The following ANKS1A variants were observed in gnomAD, a reference collection of about 807,000 sequenced individuals.
ANKS1A encodes the protein ankyrin repeat and SAM domain-containing protein 1A.
ANKS1A carries 55 observed loss-of-function variants against 120.3 expected under a neutral mutation model. That is an observed-to-expected ratio of 0.46 (90% CI 0.37 to 0.57). ANKS1A has a LOEUF of 0.57. Ranked by LOEUF, ANKS1A falls within the 20% of genes least tolerant of loss-of-function variation. The probability of loss-of-function intolerance (pLI) is 0.00; values close to 1 mark genes in which losing one functional copy is unlikely to be tolerated. For missense variants in ANKS1A, 1,123 were observed against 1,480.3 expected (o/e 0.76, Z 3.96); for synonymous variants, 590 against 604.7 (o/e 0.98, Z 0.36).
intron 1 of ANKS1A, among the ~76,000 whole-genome samples, chr6:34,894,035 T>C (rs1766951728): frequency 6.6e-6 from 1 of 152,236 alleles, no homozygotes; most frequent in East Asian, 1.9e-4. Context: ...TGTCTAGGCT[T>C]ACAGAGGCTC....
intron 1 of ANKS1A, among the ~76,000 whole-genome samples, chr6:34,915,624 G>A (rs1194978706): frequency 6.6e-6 from 1 of 152,150 alleles, no homozygotes. Context: ...AGGGATTACA[G>A]GCATGCTGTA....
At chr6:35,043,072 CA>C (rs1397628675) in intron 11 of ANKS1A, among the ~76,000 whole-genome samples, 1 of 152,154 alleles carries the variant, frequency 6.6e-6, no homozygotes, top group Non-Finnish European at 1.5e-5. Context: ...TACAGTCTGT[CA>C]GGGTAGGTAG....
intron 13 of ANKS1A, among the ~76,000 whole-genome samples, chr6:35,065,665 G>A (rs1776737006): frequency 6.6e-6 from 1 of 152,236 alleles, no homozygotes; most frequent in East Asian, 1.9e-4. Flanking sequence ...CAGCCCCTGG[G>A]GCTCATGCTC....
In ANKS1A at chr6:35,050,781, C is replaced by T. The variant is rs949493151; in HGVS notation, c.2011-3318C>T. Among the ~76,000 whole-genome samples, 26 of 152,190 alleles carry T rather than the reference C, an allele frequency of 1.7e-4. No homozygotes were observed. Among genetic ancestry groups the T allele is most frequent in the African/African-American group, 6.0e-4 (25 of 41,448 alleles). On this transcript the variant is annotated intron_variant, in intron 11 of 23. Coordinates refer to ENST00000360359, the MANE Select transcript of ANKS1A (RefSeq NM_015245.3). The surrounding 1 kb of genome is among the most constrained non-coding windows in gnomAD (Gnocchi z 4.3). ...GGGGACCTGCCAATCTCTGCCCAAACAGGACCTCTTCGCTGCCATGTCCCT... is the reference window on the plus strand; with the variant it reads ...GGGGACCTGCCAATCTCTGCCCAAATAGGACCTCTTCGCTGCCATGTCCCT...
rs1778261567 is a variant in ANKS1A at position 35,090,829 on chromosome 6, G to C, written c.*2220G>C. 1.0e-6 allele frequency: 1 copy of C among 985,902 alleles called. No homozygotes were observed. Among genetic ancestry groups the C allele is most frequent in the Non-Finnish European group, 1.2e-6 (1 of 830,328 alleles). 61.1% of individuals were successfully genotyped at this position (985,902 alleles called of 1,614,324 possible). The stretch of plus-strand genomic sequence containing the variant: ...GGGTGGGAGACTTCAGATGGGCTCA[G>C]TACCTGTCCCAGCCACAGGCTTCTT... On this transcript the variant is annotated 3_prime_UTR_variant, in exon 24 of 24. Transcript: ENST00000360359.
Position 34,909,517 on chromosome 6 carries a change from C to G in ANKS1A, c.197+19918C>G, listed in dbSNP as rs531383970. ...GGTCAAGAGCTTTTAACATAACTCTCTTGGGAAGCAGAATGAATTAAGTTA... is the reference window on the plus strand; with the variant it reads ...GGTCAAGAGCTTTTAACATAACTCTGTTGGGAAGCAGAATGAATTAAGTTA... On this transcript the variant is annotated intron_variant, in intron 1 of 23. Transcript: ENST00000360359. 9.2e-5 allele frequency among the ~76,000 whole-genome samples: 14 copies of G among 152,338 alleles called. No individual in the cohort carries two copies. In the South Asian group the frequency reaches 2.9e-3, roughly 32 times the overall value.
chr6:35,013,325 C>T (rs1399546200), intron 10 of ANKS1A, among the ~76,000 whole-genome samples: 1 of 152,042 alleles, frequency 6.6e-6, no homozygotes, highest in Admixed American at 6.6e-5. Context: ...GACAAGGTCT[C>T]GCTGTGTCTC....
At chr6:34,903,476 C>A (rs1240407531) in intron 1 of ANKS1A, among the ~76,000 whole-genome samples, 2 of 151,574 alleles carry the variant, frequency 1.3e-5, no homozygotes, top group Admixed American at 1.3e-4. Context: ...AGGCATGCAC[C>A]ACCAAGTTTG....
chr6:35,087,883 C>T (rs993459696), intron 23 of ANKS1A, among the ~76,000 whole-genome samples: 1 of 152,240 alleles, frequency 6.6e-6, no homozygotes, highest in Non-Finnish European at 1.5e-5. Context: ...GCCCCTCTAT[C>T]TTCGCCATGG....
At chr6:34,948,911 C>T (rs1453455591) in intron 1 of ANKS1A, among the ~76,000 whole-genome samples, 1 of 152,176 alleles carries the variant, frequency 6.6e-6, no homozygotes, top group African/African-American at 2.4e-5. Flanking sequence ...CAAGAGGATT[C>T]ATCCCGGGCA....
chr6:34,994,437 A>G lies in ANKS1A; in HGVS notation c.1423+15A>G. 1 of 1,608,600 alleles carries G rather than the reference A, an allele frequency of 6.2e-7. No homozygotes were observed. Reference sequence around the variant, plus strand: ...AAAAACAAAAGGTACGTTCCCCACAACTCCTGGCAGAACCAACTCCAAAGG... The same window carrying G: ...AAAAACAAAAGGTACGTTCCCCACAGCTCCTGGCAGAACCAACTCCAAAGG... On this transcript the variant is annotated intron_variant, in intron 10 of 23. Transcript: ENST00000360359.
At chr6:35,069,288 C>A (rs951790156) in intron 13 of ANKS1A, among the ~76,000 whole-genome samples, 1 of 152,054 alleles carries the variant, frequency 6.6e-6, no homozygotes, top group Admixed American at 6.6e-5. Flanking sequence ...CTGGACCCCC[C>A]TCCTGCAGTC....
chr6:35,071,542 C>T (rs1375141427), intron 13 of ANKS1A, among the ~76,000 whole-genome samples: 1 of 152,070 alleles, frequency 6.6e-6, no homozygotes, highest in Non-Finnish European at 1.5e-5. Context: ...ATGCCCCTAC[C>T]CATCATGGCC....
intron 7 of ANKS1A, among the ~76,000 whole-genome samples, chr6:34,983,976 A>T (rs369646631): frequency 6.6e-6 from 1 of 152,032 alleles, no homozygotes; most frequent in South Asian, 2.1e-4. Flanking sequence ...TTGTATTTTT[A>T]GTAGAGACAG....
intron 1 of ANKS1A, among the ~76,000 whole-genome samples, chr6:34,933,358 A>T (rs2127475567): frequency 6.6e-6 from 1 of 152,306 alleles, no homozygotes; most frequent in Admixed American, 6.5e-5. Flanking sequence ...GCATAGAATG[A>T]TGGAGAAAAG....
intron 10 of ANKS1A, among the ~76,000 whole-genome samples, chr6:34,994,720 G>A (rs1381522128): frequency 6.6e-6 from 1 of 152,088 alleles, no homozygotes; most frequent in Non-Finnish European, 1.5e-5. Flanking sequence ...ATTGATTTGG[G>A]GTCTCAAATC....
intron 13 of ANKS1A, among the ~76,000 whole-genome samples, chr6:35,075,932 T>C (rs572724461): frequency 2.6e-4 from 39 of 152,276 alleles, no homozygotes; most frequent in African/African-American, 8.7e-4. Context: ...GGCTAATTTT[T>C]TTATTTTTGT....
chr6:34,947,913 T>C lies in ANKS1A; in HGVS notation c.198-19326T>C, dbSNP rs1296345018. On this transcript the variant is annotated intron_variant, in intron 1 of 23. Coordinates refer to ENST00000360359, the MANE Select transcript of ANKS1A (RefSeq NM_015245.3). ...GGCAAATATAGCAAATTTGGGAGGTTGATTAAATACAGATCTCAGTAGAGG... is the reference window on the plus strand; with the variant it reads ...GGCAAATATAGCAAATTTGGGAGGTCGATTAAATACAGATCTCAGTAGAGG... Among the ~76,000 whole-genome samples, 4 of 152,340 alleles carry C rather than the reference T, an allele frequency of 2.6e-5. No homozygotes were observed. In the East Asian group the frequency reaches 7.7e-4, roughly 29 times the overall value.
At chr6:35,024,763 C>T (rs1774525192) in intron 11 of ANKS1A, among the ~76,000 whole-genome samples, 1 of 152,206 alleles carries the variant, frequency 6.6e-6, no homozygotes, top group African/African-American at 2.4e-5. Flanking sequence ...GGCATGATGT[C>T]ATCAAGAGAC....
Sources: allele counts gnomAD v4.1 joint callset (sites outside exome capture counted in the v4.1 genomes callset), GRCh38; gene constraint gnomAD v4.1.1; non-coding constraint Gnocchi (gnomAD v3.1); transcripts MANE v1.5; gene names NCBI Gene and HGNC (gene_info 2026-07-23, HGNC 2026-07-21).